The following ERG variants were observed in gnomAD, a reference collection of about 807,000 sequenced individuals.
ERG encodes the protein transcriptional regulator ERG.
A neutral mutation model predicts 55.3 loss-of-function variants in ERG; 9 were observed. The ratio of observed to expected loss-of-function variants is 0.16; its 90% CI spans 0.10 to 0.28. The LOEUF (loss-of-function observed/expected upper bound fraction) is 0.28, where lower values mean the gene tolerates loss of function less well. Ranked by LOEUF, ERG falls within the 10% of genes least tolerant of loss-of-function variation. ERG has a pLI of 1.00. For missense variants in ERG, 434 were observed against 631.6 expected (o/e 0.69, Z 3.35); for synonymous variants, 223 against 237.3 (o/e 0.94, Z 0.55).
intron 1 of ERG, among the ~76,000 whole-genome samples, chr21:38,448,438 A>G (rs1312697935): frequency 1.3e-5 from 2 of 152,246 alleles, no homozygotes; most frequent in African/African-American, 4.8e-5. Context: ...ACACTTCAAA[A>G]GAGGTGAAAT....
intron 1 of ERG, among the ~76,000 whole-genome samples, chr21:38,610,162 G>A (rs2060217776): frequency 6.6e-6 from 1 of 152,200 alleles, no homozygotes; most frequent in Non-Finnish European, 1.5e-5. Context: ...CACACAGCAA[G>A]TAATGGATGG....
chr21:38,623,797 C>G (rs531019931), intron 1 of ERG, among the ~76,000 whole-genome samples: 2 of 152,286 alleles, frequency 1.3e-5, no homozygotes, highest in Admixed American at 1.3e-4. Flanking sequence ...GGGCCCCTTG[C>G]CTTTGACCCA....
intron 1 of ERG, among the ~76,000 whole-genome samples, chr21:38,606,061 ATGAT>A (rs949364243): frequency 2.8e-5 from 4 of 144,190 alleles, no homozygotes; most frequent in Non-Finnish European, 6.4e-5. Context: ...TGATTGATAA[ATGAT>A]AGAGAGAGAG....
intron 1 of ERG, among the ~76,000 whole-genome samples, chr21:38,457,389 T>C (rs888997573): frequency 2.7e-5 from 4 of 150,410 alleles, no homozygotes; most frequent in Non-Finnish European, 4.4e-5. Context: ...TGAGCCGAGA[T>C]CATGCCACTG....
At chr21:38,500,725 G>A (rs2059414622), upstream of ERG, among the ~76,000 whole-genome samples, 2 of 151,798 alleles carry the variant, frequency 1.3e-5, no homozygotes, top group African/African-American at 4.8e-5. Context: ...TTTATTTATT[G>A]GATACTAAAA....
intron 3 of ERG, among the ~76,000 whole-genome samples, chr21:38,418,560 G>A (rs1185783929): frequency 6.6e-6 from 1 of 152,162 alleles, no homozygotes; most frequent in East Asian, 1.9e-4. Context: ...ACTGTGACTG[G>A]CAGGAAATGT....
At chr21:38,403,970 G>A (rs1035318453) in intron 3 of ERG, among the ~76,000 whole-genome samples, 1 of 152,088 alleles carries the variant, frequency 6.6e-6, no homozygotes, top group African/African-American at 2.4e-5. Flanking sequence ...TCAATCTAAA[G>A]TTTCCTGTAG....
At chr21:38,367,502 G>T in the ERG span, 23 of 422,104 alleles carry the variant, frequency 5.4e-5, 1 homozygote, top group Admixed American at 5.9e-4. Context: ...CTGTAGGGCT[G>T]CAAGTCTTCA....
At chr21:38,461,591 T>C (rs2059043141) in intron 1 of ERG, among the ~76,000 whole-genome samples, 1 of 152,200 alleles carries the variant, frequency 6.6e-6, no homozygotes, top group East Asian at 1.9e-4. Flanking sequence ...TCAGTCATTC[T>C]CAAAGTGTTG....
At chr21:38,483,787 C>G (rs972266669) in intron 1 of ERG, among the ~76,000 whole-genome samples, 2 of 152,104 alleles carry the variant, frequency 1.3e-5, no homozygotes, top group Non-Finnish European at 2.9e-5. Flanking sequence ...CTCTTGAACC[C>G]CGGGAGAGGG....
chr21:38,596,166 T>A (rs1478871086), intron 1 of ERG, among the ~76,000 whole-genome samples: 2 of 152,146 alleles, frequency 1.3e-5, no homozygotes, highest in South Asian at 4.1e-4. Flanking sequence ...TTCTTCTGTG[T>A]CGTGGTAACA....
chr21:38,647,232 G>A (rs2060462631), intron 1 of ERG, among the ~76,000 whole-genome samples: 1 of 152,108 alleles, frequency 6.6e-6, no homozygotes, highest in African/African-American at 2.4e-5. Flanking sequence ...TCATTCCCTG[G>A]TGTCCCAGTC....
rs934525402 is a variant in ERG, at chr21:38,460,492, A to ACAC, written c.19-14874_19-14872dup. Among the ~76,000 whole-genome samples, 1 of 152,224 alleles carries ACAC rather than the reference A, an allele frequency of 6.6e-6. No individual in the cohort carries two copies. The highest frequency in any genetic ancestry group is 1.5e-5 in the Non-Finnish European group (1 of 68,036). ...TGCATATATTGCATATGCCATGTGT[A>ACAC]CACCAAAAGCCACACCTAATAAAAT... On this transcript the variant is annotated intron_variant, in intron 1 of 9. Coordinates refer to ENST00000288319, the MANE Select transcript of ERG (RefSeq NM_182918.4). This position sits in a 1 kb window ranked among gnomAD's most constrained non-coding sequence, Gnocchi z 5.0.
intron 2 of ERG, among the ~76,000 whole-genome samples, chr21:38,434,100 T>G (rs1217020187): frequency 6.6e-6 from 1 of 152,184 alleles, no homozygotes; most frequent in Middle Eastern, 3.2e-3. Context: ...AGCCCCTCCC[T>G]AGATTCTCCT....
intron 1 of ERG, among the ~76,000 whole-genome samples, chr21:38,457,316 G>T (rs568113572): frequency 1.1e-4 from 17 of 152,108 alleles, no homozygotes; most frequent in Non-Finnish European, 7.4e-5. Context: ...CATGCCTGTA[G>T]TCCCAGCTAC....
downstream of ERG, among the ~76,000 whole-genome samples, chr21:38,375,414 C>A (rs954110780): frequency 5.3e-5 from 8 of 152,188 alleles, no homozygotes; most frequent in Non-Finnish European, 1.2e-4. Context: ...TCTCCAAGGG[C>A]AAGAACTCCC....
At chr21:38,443,713 T>C (rs2058863003) in intron 2 of ERG, among the ~76,000 whole-genome samples, 1 of 151,948 alleles carries the variant, frequency 6.6e-6, no homozygotes, top group South Asian at 2.1e-4. Flanking sequence ...CCTGGACCCA[T>C]CATTGCATTT....
intron 1 of ERG, among the ~76,000 whole-genome samples, chr21:38,608,865 A>C (rs887580767): frequency 2.0e-5 from 3 of 152,208 alleles, no homozygotes; most frequent in Non-Finnish European, 4.4e-5. Flanking sequence ...GGGTAGAATC[A>C]CGTAAGATCT....
chr21:38,572,365 C>CAAAAAAAAAAAAAAAAA (rs758324053), intron 2 of ERG, among the ~76,000 whole-genome samples: 1 of 66,988 alleles, frequency 1.5e-5, no homozygotes, highest in African/African-American at 4.8e-5. Context: ...GAGACTCCAT[C>CAAAAAAAAAAAAAAAAA]AAAAAAAAAA....
Sources: gnomAD v4.1 joint callset for allele counts (sites outside exome capture counted in the v4.1 genomes callset) on GRCh38, gnomAD v4.1.1 for gene constraint, Gnocchi (gnomAD v3.1) non-coding constraint, MANE v1.5 for transcripts, NCBI Gene and HGNC (gene_info 2026-07-23, HGNC 2026-07-21) for gene names.